Variants in CHRDL2 observed in about 807,000 individuals in gnomAD.
The protein encoded by CHRDL2 is chordin-like protein 2.
A neutral mutation model predicts 54.3 loss-of-function variants in CHRDL2; 41 were observed. That is an observed-to-expected ratio of 0.76 (90% CI 0.59 to 0.98). The LOEUF (loss-of-function observed/expected upper bound fraction) is 0.98, where lower values mean the gene tolerates loss of function less well. Ranked by LOEUF, CHRDL2 falls within the 50% of genes least tolerant of loss-of-function variation. CHRDL2 has a pLI of 0.00. For synonymous variants in CHRDL2, 220 were observed against 224.3 expected (o/e 0.98, Z 0.17); for missense variants, 518 against 562.4 (o/e 0.92, Z 0.80).
intron 1 of CHRDL2, among the ~76,000 whole-genome samples, chr11:74,728,611 G>A (rs563822399): frequency 6.8e-4 from 104 of 152,086 alleles, no homozygotes; most frequent in African/African-American, 2.3e-3. Flanking sequence ...TGAGCTCAAG[G>A]GTTCCTCTCC....
Position 74,730,976 on chromosome 11 carries a change from C to A in CHRDL2, c.-88G>T. 9.1e-7 allele frequency: 1 copy of A among 1,097,828 alleles called. No individual in the cohort carries two copies. Among genetic ancestry groups the A allele is most frequent in the Non-Finnish European group, 1.3e-6 (1 of 753,400 alleles). The allele number at this position is 1,097,828 out of a possible 1,614,324, so 68.0% of individuals were successfully genotyped here. A position where few individuals can be genotyped will look rare whatever the true frequency, so the allele number is the denominator to read the frequency against. On this transcript the variant is annotated 5_prime_UTR_variant, in exon 1 of 11. Coordinates refer to ENST00000376332, the MANE Select transcript of CHRDL2 (RefSeq NM_001278473.3). ...ACACGGAGGCACAGGGGCCACAGAT[C>A]AACCCACAGACCCCAGGAGGTCTGC...
chr11:74,724,760 C>CA (rs1216848995), intron 1 of CHRDL2, among the ~76,000 whole-genome samples: 1 of 152,236 alleles, frequency 6.6e-6, no homozygotes, highest in Non-Finnish European at 1.5e-5. Context: ...GCCCTCATTA[C>CA]AATTCTCATC....
intron 9 of CHRDL2, chr11:74,697,832 G>T (rs1156457018): frequency 1.6e-5 from 5 of 305,296 alleles, no homozygotes; most frequent in Non-Finnish European, 3.2e-5. Context: ...AAGGAAGGTT[G>T]GCTGGCTCAT....
At chr11:74,708,980 C>T (rs1424952869) in intron 4 of CHRDL2, among the ~76,000 whole-genome samples, 1 of 152,194 alleles carries the variant, frequency 6.6e-6, no homozygotes, top group Non-Finnish European at 1.5e-5. Flanking sequence ...GGGTCACACC[C>T]ATTTGGGGTG....
Position 74,706,539 on chromosome 11 carries a change from T to G in CHRDL2, c.530A>C (p.Glu177Ala). The G allele has an allele frequency of 6.2e-7, 1 of 1,614,058 alleles. No homozygotes were observed. The highest frequency in any genetic ancestry group is 8.5e-7 in the Non-Finnish European group (1 of 1,179,968). The change falls in exon 6 of 11, where the codon GAG becomes GCG. Residue 177 changes from glutamate to alanine, a missense_variant. By Grantham distance (107) the Glu-to-Ala change is moderately radical. Coordinates refer to ENST00000376332, the MANE Select transcript of CHRDL2 (RefSeq NM_001278473.3). ...PDSCCQACKD[E>A]ASEQSDEEDS... is the part of the protein sequence containing the mutation. Reference sequence around the variant, plus strand: ...CTCTTCATCCGATTGCTCACTTGCCTCATCTGAAAACTCAAAGGGAAGCTG... The same window carrying G: ...CTCTTCATCCGATTGCTCACTTGCCGCATCTGAAAACTCAAAGGGAAGCTG...
chr11:74,712,719 A>T (rs568391668), intron 3 of CHRDL2, among the ~76,000 whole-genome samples: 45 of 151,692 alleles, frequency 3.0e-4, no homozygotes, highest in African/African-American at 1.1e-3. Flanking sequence ...CTAAACATCA[A>T]TTTTCCTCTC....
chr11:74,708,727 T>C (rs1300659049), intron 4 of CHRDL2, among the ~76,000 whole-genome samples: 1 of 152,216 alleles, frequency 6.6e-6, no homozygotes, highest in African/African-American at 2.4e-5. Flanking sequence ...CATCTCAGGT[T>C]AGAAAGACAG....
intron 2 of CHRDL2, among the ~76,000 whole-genome samples, chr11:74,714,420 T>C (rs1199694341): frequency 6.6e-6 from 1 of 152,132 alleles, no homozygotes; most frequent in Non-Finnish European, 1.5e-5. Context: ...GTTGGCGAAG[T>C]TTGTTTCTAG....
rs113181245 is a variant in CHRDL2 at position 74,730,767 on chromosome 11, G to A, written c.82+40C>T. On this transcript the variant is annotated intron_variant, in intron 1 of 10. Coordinates refer to ENST00000376332, the MANE Select transcript of CHRDL2 (RefSeq NM_001278473.3). ...CGCTGTCCCTCACATTCCAGGGGCCGCATCCCTCCTCTGCCCACCCAGCCT... is the reference window on the plus strand; with the variant it reads ...CGCTGTCCCTCACATTCCAGGGGCCACATCCCTCCTCTGCCCACCCAGCCT... 5.2e-6 allele frequency: 8 copies of A among 1,543,852 alleles called. No individual in the cohort carries two copies. In the African/African-American group the frequency reaches 6.8e-5, roughly 13 times the overall value.
At chr11:74,709,677 A>G (rs986001910) in intron 4 of CHRDL2, among the ~76,000 whole-genome samples, 1 of 152,212 alleles carries the variant, frequency 6.6e-6, no homozygotes, top group African/African-American at 2.4e-5. Context: ...TGTCACTGAA[A>G]AGATAGGGAG....
At position 74,706,476 on chromosome 11, in the gene CHRDL2, C is replaced by A; in HGVS notation, c.582+11G>T. ...CTGTCCCGCACCCCGTCAATAAGGCCGTGCACTCACCACCCCATGGAGCGA... is the reference window on the plus strand; with the variant it reads ...CTGTCCCGCACCCCGTCAATAAGGCAGTGCACTCACCACCCCATGGAGCGA... On this transcript the variant is annotated intron_variant, in intron 6 of 10. Transcript: ENST00000376332. The A allele has an allele frequency of 6.2e-7, 1 of 1,613,864 alleles. No individual in the cohort carries two copies. The highest frequency in any genetic ancestry group is 8.5e-7 in the Non-Finnish European group (1 of 1,179,798).
chr11:74,712,468 G>A (rs1433769), intron 3 of CHRDL2, among the ~76,000 whole-genome samples: 54,962 of 151,934 alleles, frequency 0.36, 10,134 homozygotes, highest in South Asian at 0.51. Flanking sequence ...CCCCAGAGTC[G>A]GCATCAGACA....
chr11:74,701,796 AC>A (rs1217093903), intron 9 of CHRDL2: 5 of 535,928 alleles, frequency 9.3e-6, no homozygotes, highest in African/African-American at 5.7e-5. Context: ...TCCCTCTTCC[AC>A]CCCCACCCCG....
chr11:74,712,881 T>C (rs1175914055), intron 3 of CHRDL2, among the ~76,000 whole-genome samples: 1 of 152,174 alleles, frequency 6.6e-6, no homozygotes, highest in Non-Finnish European at 1.5e-5. Context: ...CTTAAAATCA[T>C]GGAATCATAG....
At chr11:74,720,768 T>A (rs1044322334) in intron 1 of CHRDL2, among the ~76,000 whole-genome samples, 1 of 152,192 alleles carries the variant, frequency 6.6e-6, no homozygotes, top group Non-Finnish European at 1.5e-5. Context: ...CTCTCAGCAC[T>A]GGGGGCTGGG....
intron 1 of CHRDL2, among the ~76,000 whole-genome samples, chr11:74,728,524 G>GC (rs202096190): frequency 0.42 from 44,083 of 105,672 alleles, 7,845 homozygotes; most frequent in East Asian, 0.64. Context: ...GGTCTGTTCT[G>GC]TTTTTTGTTG....
chr11:74,702,556 C>T (rs892354428), intron 9 of CHRDL2, among the ~76,000 whole-genome samples: 5 of 152,184 alleles, frequency 3.3e-5, no homozygotes, highest in Non-Finnish European at 7.3e-5. Flanking sequence ...ACAGCGCCTT[C>T]CCCCCAGGAG....
chr11:74,703,362 C>T lies in CHRDL2; in HGVS notation c.889G>A (p.Glu297Lys), dbSNP rs766415152. 15 of 1,613,452 alleles carry T rather than the reference C, an allele frequency of 9.3e-6. No homozygotes were observed. Among genetic ancestry groups the T allele is most frequent in the Admixed American group, 6.7e-5 (4 of 59,980 alleles). The stretch of plus-strand genomic sequence containing the variant: ...TTCTCGGGGTGACGGCAGGGGTACT[C>T]GGTGGGACAGGTCACACGCTGGCAG... Reference protein sequence around the residue: ...QDCQRVTCPTEYPCRHPEKVA... With the variant: ...QDCQRVTCPTKYPCRHPEKVA... Residue 297 changes from glutamate to lysine, a missense_variant, in exon 8 of 11, where the codon GAG becomes AAG. Transcript: ENST00000376332.
intron 2 of CHRDL2, 114 bp downstream of exon 2, chr11:74,718,606 C>T (rs902884121): frequency 4.3e-6 from 3 of 691,900 alleles, no homozygotes; most frequent in Non-Finnish European, 7.5e-6. Context: ...CCAAGTCTCT[C>T]AGCTGCCGCT....
Sources: gnomAD v4.1 joint callset for allele counts (sites outside exome capture counted in the v4.1 genomes callset) on GRCh38, gnomAD v4.1.1 for gene constraint, MANE v1.5 for transcripts, NCBI Gene and HGNC (gene_info 2026-07-23, HGNC 2026-07-21) for gene names.